STRN3: variants seen among roughly 807,000 people sequenced by gnomAD.
STRN3 encodes the protein striatin-3.
Under a neutral mutation model 95.6 loss-of-function variants are expected in STRN3, and 29 were observed. The observed-to-expected ratio is 0.30, with a 90% CI of 0.23 to 0.41. STRN3 has a LOEUF of 0.41. STRN3 is among the 10% of genes least tolerant of loss of function. The pLI is 1.00. For synonymous variants in STRN3, 331 were observed against 357.6 expected, an observed-to-expected ratio of 0.93 and a Z score of 0.84; for missense variants, 890 against 972.1, an observed-to-expected ratio of 0.92 and a Z score of 1.12.
At chr14:30,947,786 G>C (rs955718949) in intron 4 of STRN3, among the ~76,000 whole-genome samples, 1 of 152,154 alleles carries the variant, frequency 6.6e-6, no homozygotes. Flanking sequence ...CTCCAGTCCT[G>C]TGATTTTCAA....
intron 1 of STRN3, among the ~76,000 whole-genome samples, chr14:30,993,912 G>C (rs926935353): frequency 1.7e-4 from 26 of 149,452 alleles, no homozygotes; most frequent in Admixed American, 1.3e-4. Flanking sequence ...TTTCACTCTT[G>C]TTGCCCAGGC....
Position 30,894,917 on chromosome 14 carries a change from A to AT in STRN3, c.*493dup. ...TCTTTTTTTTTTTTTTTAAAGCAAA[A>AT]TAAGTTTAAAAGGGAATCTGTGGCA... On this transcript the variant is annotated 3_prime_UTR_variant, in exon 18 of 18. Transcript: ENST00000357479. The AT allele has an allele frequency of 2.7e-6, 3 of 1,107,084 alleles. No individual in the cohort carries two copies. Among genetic ancestry groups the AT allele is most frequent in the Non-Finnish European group, 3.5e-6 (3 of 866,530 alleles). The allele number at this position is 1,107,084 out of a possible 1,614,324, so 68.6% of individuals were successfully genotyped here. A position where few individuals can be genotyped will look rare whatever the true frequency, so the allele number is the denominator to read the frequency against.
rs1325192207 is a variant in STRN3 at position 30,895,415 on chromosome 14, A to G, written c.2390T>C (p.Val797Ala). The change falls in exon 18 of 18, where the codon GTA (valine) becomes GCA (alanine). Residue 797 changes from valine (V) to alanine (A), a missense_variant. Coordinates refer to ENST00000357479, the MANE Select transcript of STRN3 (RefSeq NM_001083893.2). The stretch of plus-strand genomic sequence containing the variant: ...ACGATGCAAGTTTTTGTTGATTCAT[A>G]CAAATACTTTGGCAAGAGCATCAGC... ...AGADALAKVFV is the reference protein window; with the variant it reads ...AGADALAKVFA 2.5e-6 allele frequency: 4 copies of G among 1,602,134 alleles called. No homozygotes were observed. Among genetic ancestry groups the G allele is most frequent in the Non-Finnish European group, 3.4e-6 (4 of 1,173,432 alleles).
At chr14:30,989,760 A>AGGGCACT (rs1566478359) in intron 1 of STRN3, among the ~76,000 whole-genome samples, 1 of 151,964 alleles carries the variant, frequency 6.6e-6, no homozygotes, top group African/African-American at 2.4e-5. Context: ...GCCCGGACAA[A>AGGGCACT]ACACAGGATT....
intron 5 of STRN3, 110 bp downstream of exon 5, chr14:30,946,979 CA>C (rs569011885): frequency 0.22 from 97,703 of 441,794 alleles, 40 homozygotes; most frequent in Middle Eastern, 0.26. Context: ...GACTCCGTGT[CA>C]AAAAAAAAAA....
chr14:30,935,736 C>T (rs181583216), intron 6 of STRN3, among the ~76,000 whole-genome samples: 4 of 152,202 alleles, frequency 2.6e-5, no homozygotes, highest in Admixed American at 1.3e-4. Context: ...AGTGCTTTAC[C>T]TTCCAGAACA....
chr14:30,929,142 A>C, intron 8 of STRN3, 59 bp downstream of exon 8: 1 of 1,400,450 alleles, frequency 7.1e-7, no homozygotes, highest in East Asian at 2.4e-5. Context: ...ACAGAATTGA[A>C]GAACTTTTTT....
At chr14:31,007,757 A>C (rs1436832098) in intron 1 of STRN3, among the ~76,000 whole-genome samples, 1 of 152,032 alleles carries the variant, frequency 6.6e-6, no homozygotes, top group Admixed American at 6.6e-5. Flanking sequence ...AAAAAAAAAA[A>C]CAGCCAGGTG....
intron 5 of STRN3, among the ~76,000 whole-genome samples, chr14:30,944,264 TA>T (rs1879232526): frequency 6.6e-6 from 1 of 152,064 alleles, no homozygotes; most frequent in Non-Finnish European, 1.5e-5. Context: ...CCAGTTTGGC[TA>T]AAAATATTTG....
intron 4 of STRN3, among the ~76,000 whole-genome samples, chr14:30,948,791 T>A (rs1879493413): frequency 6.6e-6 from 1 of 152,216 alleles, no homozygotes; most frequent in Non-Finnish European, 1.5e-5. Context: ...GCAATGGGAT[T>A]AGGCATTTAT....
intron 5 of STRN3, among the ~76,000 whole-genome samples, chr14:30,945,170 T>C (rs2075926731): frequency 6.6e-6 from 1 of 152,194 alleles, no homozygotes; most frequent in Non-Finnish European, 1.5e-5. Context: ...TAACAAGTGT[T>C]GATGAGGATG....
chr14:30,925,292 A>C (rs1199848910), intron 8 of STRN3, among the ~76,000 whole-genome samples: 2 of 152,256 alleles, frequency 1.3e-5, no homozygotes, highest in Middle Eastern at 3.4e-3. Flanking sequence ...GGAGACACAG[A>C]AACTTTAACT....
intron 1 of STRN3, among the ~76,000 whole-genome samples, chr14:30,970,055 T>G (rs892201145): frequency 2.0e-5 from 3 of 152,140 alleles, no homozygotes; most frequent in African/African-American, 7.2e-5. Flanking sequence ...TAAGAAAAAT[T>G]TAACTTTTTC....
rs751775742 is a variant in STRN3 at position 30,902,590 on chromosome 14, C to T, written c.2083G>A (p.Val695Ile). 1 of 1,609,126 alleles carries T rather than the reference C, an allele frequency of 6.2e-7. No homozygotes were observed. Among genetic ancestry groups the T allele is most frequent in the East Asian group, 2.2e-5 (1 of 44,506 alleles). Reference sequence around the variant, plus strand: ...CTATCTTCATGAGCAGTTATTGTAACAGGAAGTGTGGGATGACTTACTACT... The same window carrying T: ...CTATCTTCATGAGCAGTTATTGTAATAGGAAGTGTGGGATGACTTACTACT... ...NRVVSHPTLP[V>I]TITAHEDRHI... The change falls in exon 16 of 18, where the codon GTT becomes ATT. Residue 695 changes from valine to isoleucine, a missense_variant. Coordinates refer to ENST00000357479, the MANE Select transcript of STRN3 (RefSeq NM_001083893.2).
At chr14:30,978,720 A>G (rs1388335862) in intron 1 of STRN3, among the ~76,000 whole-genome samples, 1 of 152,132 alleles carries the variant, frequency 6.6e-6, no homozygotes, top group Non-Finnish European at 1.5e-5. Context: ...ACATCAATAA[A>G]AAGAACCCTG....
At chr14:30,990,753 A>C (rs1881915245) in intron 1 of STRN3, among the ~76,000 whole-genome samples, 1 of 152,172 alleles carries the variant, frequency 6.6e-6, no homozygotes, top group Non-Finnish European at 1.5e-5. Context: ...CATATAACCT[A>C]TGCATATCCT....
At chr14:31,023,054 T>C (rs1449639597) in intron 1 of STRN3, among the ~76,000 whole-genome samples, 1 of 152,164 alleles carries the variant, frequency 6.6e-6, no homozygotes, top group Non-Finnish European at 1.5e-5. Flanking sequence ...CTAGTGTCTT[T>C]TCCATGACAA....
chr14:30,959,666 A>AAAGGCAAGGTG (rs1880090780), intron 1 of STRN3, among the ~76,000 whole-genome samples: 1 of 152,134 alleles, frequency 6.6e-6, no homozygotes, highest in Admixed American at 6.5e-5. Flanking sequence ...AAAAAATAAA[A>AAAGGCAAGGTG]GTACCTAAAA....
chr14:30,939,715 G>C (rs1417461330), intron 5 of STRN3, among the ~76,000 whole-genome samples: 1 of 151,982 alleles, frequency 6.6e-6, no homozygotes, highest in Non-Finnish European at 1.5e-5. Flanking sequence ...CTCTATCTTT[G>C]ATTCCTACAC....
Sources: gnomAD v4.1 joint callset for allele counts (sites outside exome capture counted in the v4.1 genomes callset) on GRCh38, gnomAD v4.1.1 for gene constraint, MANE v1.5 for transcripts, NCBI Gene and HGNC (gene_info 2026-07-23, HGNC 2026-07-21) for gene names.